Variants in PSTPIP1 observed in about 807,000 individuals in gnomAD.
PSTPIP1 encodes the protein proline-serine-threonine phosphatase-interacting protein 1.
Under a neutral mutation model 69.6 loss-of-function variants are expected in PSTPIP1, and 66 were observed. The ratio of observed to expected loss-of-function variants is 0.95; its 90% CI spans 0.78 to 1.16. The LOEUF is 1.16. Among genes scored for constraint, PSTPIP1 ranks in the 50% most tolerant of loss-of-function variants. The pLI, the probability that PSTPIP1 is intolerant of heterozygous loss-of-function variation, is 0.00. For missense variants in PSTPIP1, 603 were observed against 557.4 expected, an observed-to-expected ratio of 1.08 and a Z score of -0.82; for synonymous variants, 266 against 222.7, an observed-to-expected ratio of 1.19 and a Z score of -1.73.
Position 77,024,934 on chromosome 15 carries a change from A to G in PSTPIP1, c.213-350A>G, listed in dbSNP as rs547554152. ...ACCTGCCGAGGAGAGAGGGCTGTGA[A>G]TGTGGGAGAGGAGTTCAGGGGAGGG... is the stretch of plus-strand genomic sequence containing the variant. On this transcript the variant is annotated intron_variant, in intron 3 of 14. Coordinates refer to ENST00000558012, the MANE Select transcript of PSTPIP1 (RefSeq NM_003978.5). 1.5e-3 allele frequency among the ~76,000 whole-genome samples: 228 copies of G among 151,944 alleles called. 1 individual carries two copies. Among genetic ancestry groups the G allele is most frequent in the African/African-American group, 5.1e-3 (213 of 41,504 alleles).
chr15:76,995,291 G>A lies in PSTPIP1; in HGVS notation c.-283G>A. Reference sequence around the variant, plus strand: ...TCCTCCATCACCGCAGGGTCGGTGAGGGGCTGGGCTGGACACCAGGGCCCG... The same window carrying A: ...TCCTCCATCACCGCAGGGTCGGTGAAGGGCTGGGCTGGACACCAGGGCCCG... On this transcript the variant is annotated 5_prime_UTR_variant, in exon 1 of 15. Coordinates refer to ENST00000558012, the MANE Select transcript of PSTPIP1 (RefSeq NM_003978.5). The A allele has an allele frequency of 7.4e-7, 1 of 1,352,266 alleles. No homozygotes were observed. The highest frequency in any genetic ancestry group is 1.6e-5 in the South Asian group (1 of 63,054). The allele number at this position is 1,352,266 out of a possible 1,614,324, so 83.8% of individuals were successfully genotyped here.
chr15:77,013,553 C>G (rs563383866), intron 1 of PSTPIP1, among the ~76,000 whole-genome samples: 1 of 152,250 alleles, frequency 6.6e-6, no homozygotes, highest in East Asian at 1.9e-4. Context: ...ACCCTGCCCC[C>G]CTGGAGTCCC....
chr15:77,012,529 TCATC>T (rs367566326), intron 1 of PSTPIP1, among the ~76,000 whole-genome samples: 4 of 149,674 alleles, frequency 2.7e-5, no homozygotes, highest in Non-Finnish European at 5.9e-5. Context: ...ATCCATCCAT[TCATC>T]CATCCATCCA....
intron 11 of PSTPIP1, 28 bp from the exon 12 acceptor site, chr15:77,032,834 C>G: frequency 9.7e-6 from 15 of 1,546,124 alleles, no homozygotes; most frequent in Non-Finnish European, 1.3e-5. Context: ...TGGGGGCCGC[C>G]CTGGGGCTCA....
intron 1 of PSTPIP1, among the ~76,000 whole-genome samples, chr15:77,001,738 C>A (rs984540957): frequency 6.6e-6 from 1 of 152,106 alleles, no homozygotes; most frequent in Non-Finnish European, 1.5e-5. Context: ...TGCACCTGGT[C>A]GGCAACCCGT....
chr15:77,019,453 C>T (rs545727451), intron 3 of PSTPIP1, among the ~76,000 whole-genome samples: 3 of 152,152 alleles, frequency 2.0e-5, no homozygotes, highest in African/African-American at 4.8e-5. Flanking sequence ...CTCTGAAGGT[C>T]CCCCAAAGAC....
At chr15:77,002,635 G>A (rs976705429) in intron 1 of PSTPIP1, among the ~76,000 whole-genome samples, 5 of 152,202 alleles carry the variant, frequency 3.3e-5, no homozygotes, top group Non-Finnish European at 5.9e-5. Context: ...CTGCTCAGGT[G>A]TTAGAAGATT....
intron 3 of PSTPIP1, among the ~76,000 whole-genome samples, chr15:77,024,723 CCCTT>C (rs2076235707): frequency 2.5e-5 from 2 of 80,698 alleles, no homozygotes; most frequent in African/African-American, 4.9e-5. Context: ...CAGTGCTGGG[CCCTT>C]CCCTCCCTCC....
intron 1 of PSTPIP1, among the ~76,000 whole-genome samples, chr15:77,000,095 C>A (rs2075665878): frequency 2.0e-5 from 3 of 152,190 alleles, no homozygotes; most frequent in Admixed American, 2.0e-4. Flanking sequence ...TGAGGCTGGG[C>A]TCTGGCTCTA....
chr15:76,995,235 C>T lies in PSTPIP1; in HGVS notation c.-339C>T. 2.4e-6 allele frequency: 3 copies of T among 1,247,728 alleles called. No individual in the cohort carries two copies. The highest frequency in any genetic ancestry group is 2.4e-4 in the Middle Eastern group (1 of 4,162). 77.3% of individuals were successfully genotyped at this position (1,247,728 alleles called of 1,614,324 possible). A position where few individuals can be genotyped will look rare whatever the true frequency, so the allele number is the denominator to read the frequency against. On this transcript the variant is annotated 5_prime_UTR_variant, in exon 1 of 15. Coordinates refer to ENST00000558012, the MANE Select transcript of PSTPIP1 (RefSeq NM_003978.5). ...ACTGCCTCCCACCCAGGGCTGGCAT[C>T]CCTGCTCCCTGCCCTGGGTCCCAGA...
chr15:77,035,215 G>C lies in PSTPIP1; in HGVS notation c.930-293G>C, dbSNP rs577349507. Among the ~76,000 whole-genome samples, 4 of 152,310 alleles carry C rather than the reference G, an allele frequency of 2.6e-5. No individual in the cohort carries two copies. The East Asian group carries it at 7.7e-4, about 29-fold the overall frequency. ...GTCTTCCAATGAAGCTACAGCTTCGGGGGTTCTAGGATCCTCCCAAGGGCC... is the reference window on the plus strand; with the variant it reads ...GTCTTCCAATGAAGCTACAGCTTCGCGGGTTCTAGGATCCTCCCAAGGGCC... On this transcript the variant is annotated intron_variant, in intron 12 of 14. Transcript: ENST00000558012.
intron 1 of PSTPIP1, among the ~76,000 whole-genome samples, chr15:77,014,297 G>A (rs1382777115): frequency 2.6e-5 from 4 of 152,094 alleles, no homozygotes; most frequent in Admixed American, 1.3e-4. Context: ...TCACCTATGC[G>A]CACGATTTCA....
intron 3 of PSTPIP1, among the ~76,000 whole-genome samples, chr15:77,019,484 C>G (rs2076120050): frequency 6.6e-6 from 1 of 152,162 alleles, no homozygotes. Context: ...CTGGCGGCTC[C>G]TGCTTCCAAC....
At position 77,032,345 on chromosome 15, in the gene PSTPIP1, C is replaced by G. The variant is rs201770311; in HGVS notation, c.789C>G (p.Ala263=). Residue 263 remains alanine (A), a synonymous_variant, in exon 11 of 15, where the codon GCC becomes GCG. Coordinates refer to ENST00000558012, the MANE Select transcript of PSTPIP1 (RefSeq NM_003978.5). ...CGCTGGAAGGCTGCAGCATAGACGC[C>G]GACATCGACAGTTTCATCCAGGCCA... ...RLTLEGCSID[A]DIDSFIQAKS... 6.2e-7 allele frequency: 1 copy of G among 1,612,624 alleles called. No homozygotes were observed. Among genetic ancestry groups the G allele is most frequent in the Non-Finnish European group, 8.5e-7 (1 of 1,179,772 alleles).
intron 3 of PSTPIP1, among the ~76,000 whole-genome samples, chr15:77,023,261 G>T (rs560975220): frequency 6.6e-6 from 1 of 152,236 alleles, no homozygotes; most frequent in Non-Finnish European, 1.5e-5. Flanking sequence ...ACAGACATCC[G>T]CTGGGCCAGC....
intron 14 of PSTPIP1, 50 bp downstream of exon 14, chr15:77,035,985 A>C: frequency 6.5e-7 from 1 of 1,531,438 alleles, no homozygotes; most frequent in Admixed American, 2.0e-5. Context: ...CCTGCACCTG[A>C]GAGCTCCCTC....
At chr15:77,003,667 AAG>A (rs1181624522) in intron 1 of PSTPIP1, among the ~76,000 whole-genome samples, 2 of 149,900 alleles carry the variant, frequency 1.3e-5, no homozygotes, top group Admixed American at 6.7e-5. Flanking sequence ...AAAAAAAAAA[AAG>A]AAGAAGAAGG....
At chr15:77,014,071 T>C (rs924332831) in intron 1 of PSTPIP1, among the ~76,000 whole-genome samples, 1 of 152,082 alleles carries the variant, frequency 6.6e-6, no homozygotes, top group African/African-American at 2.4e-5. Flanking sequence ...TGACAGGCCC[T>C]GAGTGTGGGG....
intron 5 of PSTPIP1, 53 bp downstream of exon 5, chr15:77,025,657 G>A: frequency 2.1e-6 from 3 of 1,445,922 alleles, no homozygotes; most frequent in Non-Finnish European, 2.8e-6. Flanking sequence ...CAGCCTCTCA[G>A]TTGCTGTGGG....
Sources: allele counts gnomAD v4.1 joint callset (sites outside exome capture counted in the v4.1 genomes callset), GRCh38; gene constraint gnomAD v4.1.1; transcripts MANE v1.5; gene names NCBI Gene and HGNC (gene_info 2026-07-23, HGNC 2026-07-21).